Variants in KAT6A observed in about 807,000 individuals in gnomAD.
KAT6A encodes lysine acetyltransferase 6A.
A neutral mutation model predicts 198.4 loss-of-function variants in KAT6A; 9 were observed. The observed-to-expected ratio is 0.05, with a 90% CI of 0.03 to 0.08. The LOEUF is 0.08. Ranked by LOEUF, KAT6A falls within the 10% of genes least tolerant of loss-of-function variation. The pLI is 1.00. For missense variants in KAT6A, 2,077 were observed against 2,509.9 expected (o/e 0.83, Z 3.69); for synonymous variants, 890 against 883.0 (o/e 1.01, Z -0.14).
chr8:42,014,171 T>G (rs544636199), intron 2 of KAT6A, among the ~76,000 whole-genome samples: 1 of 152,256 alleles, frequency 6.6e-6, no homozygotes, highest in African/African-American at 2.4e-5. Context: ...GGGGCCATAA[T>G]TTGCTAACCC....
At chr8:41,995,920 C>CGAA (rs1183269162) in intron 2 of KAT6A, among the ~76,000 whole-genome samples, 5 of 152,134 alleles carry the variant, frequency 3.3e-5, no homozygotes, top group African/African-American at 1.2e-4. Context: ...AGGTGATTCA[C>CGAA]CCACCTTGGC....
rs150548052 is a variant in KAT6A at position 41,934,407 on chromosome 8, C to T, written c.3813G>A (p.Glu1271=). ...AGACACGGGGCTTCTCTTCTTCCTC[C>T]TCCACCTCAGGCTCCTTGGTTTCGG... The part of the protein sequence containing the change: ...PETETKEPEV[E]EEEEKPRVSE... Residue 1271 remains glutamate, a synonymous_variant, in exon 17 of 17, where the codon GAG becomes GAA. Coordinates refer to ENST00000265713, the MANE Select transcript of KAT6A (RefSeq NM_006766.5). 34 of 1,612,720 alleles carry T rather than the reference C, an allele frequency of 2.1e-5. No homozygotes were observed. The highest frequency in any genetic ancestry group is 2.9e-5 in the Non-Finnish European group (34 of 1,179,394).
chr8:41,957,633 G>C (rs1302121314), intron 8 of KAT6A: 1 of 218,184 alleles, frequency 4.6e-6, no homozygotes, highest in African/African-American at 2.3e-5. Context: ...AAAAGAAGAC[G>C]TATGTTCCAG....
intron 3 of KAT6A, among the ~76,000 whole-genome samples, chr8:41,984,165 G>A (rs915927606): frequency 6.6e-6 from 1 of 152,176 alleles, no homozygotes; most frequent in Non-Finnish European, 1.5e-5. Context: ...CTGCTCCCTA[G>A]GCATTCTTGC....
At chr8:41,983,873 T>C (rs1824477591) in intron 3 of KAT6A, among the ~76,000 whole-genome samples, 1 of 152,262 alleles carries the variant, frequency 6.6e-6, no homozygotes, top group Admixed American at 6.5e-5. Context: ...CTATTACTAC[T>C]TGAGTAAAAC....
chr8:41,934,019 G>A lies in KAT6A; in HGVS notation c.4201C>T (p.His1401Tyr), dbSNP rs1821709709. ...AATTCGATTAACTCTTCCTTAGTGT[G>A]GGAGTCTTCTTCGTGGTCGTCCTCA... ...GSEDDHEEDSHTKEELIELKE... is the reference protein window; with the variant it reads ...GSEDDHEEDSYTKEELIELKE... Residue 1401 changes from histidine (H) to tyrosine (Y), a missense_variant, in exon 17 of 17, where the codon CAC (histidine) becomes TAC (tyrosine). By Grantham distance (83) the His-to-Tyr change is moderately conservative. This residue lies in a region of KAT6A where 178 missense variants were observed against 220.8 expected (regional missense o/e 0.81). Transcript: ENST00000265713. 1.2e-6 allele frequency: 2 copies of A among 1,614,062 alleles called. No homozygotes were observed. The highest frequency in any genetic ancestry group is 1.3e-5 in the African/African-American group (1 of 75,032).
Position 41,949,378 on chromosome 8 carries a change from TAAAC to T in KAT6A, c.1599-19_1599-16del, listed in dbSNP as rs1822559636. On this transcript the variant is annotated splice_polypyrimidine_tract_variant and intron_variant, in intron 9 of 16. Coordinates refer to ENST00000265713, the MANE Select transcript of KAT6A (RefSeq NM_006766.5). ...ATTTGGGCAGCCTGTAAACGATAAT[TAAAC>T]AAAAAAGACAGGGCTTTATATTTTA... 1.4e-6 allele frequency: 2 copies of T among 1,469,738 alleles called. No homozygotes were observed. Among genetic ancestry groups the T allele is most frequent in the African/African-American group, 1.5e-5 (1 of 68,222 alleles). 91.0% of individuals were successfully genotyped at this position (1,469,738 alleles called of 1,614,324 possible).
intron 2 of KAT6A, among the ~76,000 whole-genome samples, chr8:42,018,788 G>A (rs533775682): frequency 6.6e-6 from 1 of 152,104 alleles, no homozygotes; most frequent in Admixed American, 6.5e-5. Flanking sequence ...TGGGCGTGGT[G>A]GCCACCCCTA....
At chr8:42,025,324 G>C (rs751963824) in intron 2 of KAT6A, among the ~76,000 whole-genome samples, 4 of 151,920 alleles carry the variant, frequency 2.6e-5, no homozygotes, top group Admixed American at 1.3e-4. Context: ...TGATTCTCCA[G>C]CCTCAGCCTT....
At chr8:42,033,068 G>A (rs1477851898) in intron 2 of KAT6A, among the ~76,000 whole-genome samples, 4 of 151,524 alleles carry the variant, frequency 2.6e-5, no homozygotes, top group South Asian at 2.1e-4. Flanking sequence ...TAGTAGAGAC[G>A]TTCACCATGT....
chr8:41,964,889 T>G (rs148194013), intron 8 of KAT6A, among the ~76,000 whole-genome samples: 25 of 152,218 alleles, frequency 1.6e-4, no homozygotes, highest in East Asian at 5.8e-4. Context: ...CTGATGATGA[T>G]GAGGAGGAGG....
At position 41,962,919 on chromosome 8, in the gene KAT6A, A is replaced by G. The variant is rs542314779; in HGVS notation, c.1483-7508T>C. On this transcript the variant is annotated intron_variant, in intron 8 of 16. Transcript: ENST00000265713. The stretch of plus-strand genomic sequence containing the variant: ...GGAATGCTATTCCCCCGTTACCTAC[A>G]TGTTTCATCCCCTCACCTCCTTCAA... 9.2e-5 allele frequency among the ~76,000 whole-genome samples: 14 copies of G among 152,170 alleles called. No individual in the cohort carries two copies. The East Asian group carries it at 1.9e-3, about 21-fold the overall frequency.
At chr8:42,009,301 T>C (rs1255462479) in intron 2 of KAT6A, among the ~76,000 whole-genome samples, 1 of 152,096 alleles carries the variant, frequency 6.6e-6, no homozygotes, top group Non-Finnish European at 1.5e-5. Context: ...TAAAAGGTAA[T>C]GCTATTAGTT....
In KAT6A at chr8:41,970,591, A is replaced by G. The variant is rs146190325; in HGVS notation, c.1482+4113T>C. ...TCAGTAGATAGCAGTGACCAAAAAG[A>G]AAGGCCTCGTTCTCACTTTTACACT... On this transcript the variant is annotated intron_variant, in intron 8 of 16. Coordinates refer to ENST00000265713, the MANE Select transcript of KAT6A (RefSeq NM_006766.5). 1.3e-4 allele frequency among the ~76,000 whole-genome samples: 20 copies of G among 152,328 alleles called. No homozygotes were observed. In the East Asian group the frequency reaches 3.9e-3, roughly 29 times the overall value.
chr8:41,931,903 AAAGT>A lies in KAT6A; in HGVS notation c.*298_*301del. The A allele has an allele frequency of 3.7e-6, 1 of 267,728 alleles. No individual in the cohort carries two copies. Among genetic ancestry groups the A allele is most frequent in the East Asian group, 5.8e-5 (1 of 17,360 alleles). 16.6% of individuals were successfully genotyped at this position (267,728 alleles called of 1,614,324 possible). ...AATTCTGTCCATGTGGTATGTAAAG[AAAGT>A]AAGGCTCTTTTTAATTATGAAAAGA... On this transcript the variant is annotated 3_prime_UTR_variant, in exon 17 of 17. Transcript: ENST00000265713.
At chr8:42,024,237 T>C (rs182191964) in intron 2 of KAT6A, among the ~76,000 whole-genome samples, 91 of 152,314 alleles carry the variant, frequency 6.0e-4, no homozygotes, top group Admixed American at 5.8e-3. Context: ...ACCACAAACA[T>C]GCTGAGTAGT....
At chr8:42,016,281 T>G (rs1393295902) in intron 2 of KAT6A, among the ~76,000 whole-genome samples, 1 of 152,240 alleles carries the variant, frequency 6.6e-6, no homozygotes, top group South Asian at 2.1e-4. Context: ...AGGAACTGCG[T>G]GCCAAGGAAG....
intron 2 of KAT6A, among the ~76,000 whole-genome samples, chr8:42,010,383 C>T (rs559898696): frequency 1.3e-5 from 2 of 152,264 alleles, no homozygotes; most frequent in Admixed American, 1.3e-4. Flanking sequence ...GAGCACAGAA[C>T]TAGTTTCCTA....
intron 2 of KAT6A, among the ~76,000 whole-genome samples, chr8:42,033,502 A>T (rs2150923260): frequency 6.6e-6 from 1 of 152,342 alleles, no homozygotes; most frequent in South Asian, 2.1e-4. Context: ...AACAGTTACT[A>T]TGTGCATACA....
Sources: gnomAD v4.1 joint callset for allele counts (sites outside exome capture counted in the v4.1 genomes callset) on GRCh38, gnomAD v4.1.1 for gene constraint, gnomAD v4.1.1 regional missense constraint, MANE v1.5 for transcripts, NCBI Gene and HGNC (gene_info 2026-07-23, HGNC 2026-07-21) for gene names.